Variants in LAMC2 observed in about 807,000 individuals in gnomAD.
LAMC2 encodes the protein laminin subunit gamma 2.
Under a neutral mutation model 140.2 loss-of-function variants are expected in LAMC2, and 97 were observed. The ratio of observed to expected loss-of-function variants is 0.69; its 90% CI spans 0.59 to 0.82. The LOEUF is 0.82. Among genes scored for constraint, LAMC2 ranks in the 40% least tolerant of loss-of-function variants. LAMC2 has a pLI of 0.00. For synonymous variants in LAMC2, 513 were observed against 540.2 expected, an observed-to-expected ratio of 0.95 and a Z score of 0.70; for missense variants, 1,402 against 1,476.1, an observed-to-expected ratio of 0.95 and a Z score of 0.82.
At chr1:183,238,679 C>A (rs1291155576) in intron 19 of LAMC2, among the ~76,000 whole-genome samples, 1 of 152,220 alleles carries the variant, frequency 6.6e-6, no homozygotes, top group Non-Finnish European at 1.5e-5. Context: ...TGACCATAGG[C>A]AAGTCATGTA....
chr1:183,253,394 A>C, the LAMC2 span, among the ~76,000 whole-genome samples: 1 of 150,846 alleles, frequency 6.6e-6, no homozygotes, highest in African/African-American at 2.4e-5. Context: ...TAATATTCAT[A>C]TATCCATCAT....
At chr1:183,198,656 A>G (rs1169449367) in intron 1 of LAMC2, among the ~76,000 whole-genome samples, 2 of 152,206 alleles carry the variant, frequency 1.3e-5, no homozygotes, top group African/African-American at 4.8e-5. Flanking sequence ...ACCGTCCCAC[A>G]CAGCCGCCAA....
At chr1:183,225,209 T>A (rs943885567) in intron 7 of LAMC2, among the ~76,000 whole-genome samples, 1 of 152,138 alleles carries the variant, frequency 6.6e-6, no homozygotes. Context: ...TGTGCTCAGA[T>A]AACAAATAAA....
chr1:183,255,808 C>A, the LAMC2 span, among the ~76,000 whole-genome samples: 2 of 151,866 alleles, frequency 1.3e-5, no homozygotes, highest in Non-Finnish European at 2.9e-5. Flanking sequence ...GGATTACAGG[C>A]ACAAGCCACA....
At chr1:183,196,023 C>T (rs1240664874) in intron 1 of LAMC2, among the ~76,000 whole-genome samples, 1 of 152,134 alleles carries the variant, frequency 6.6e-6, no homozygotes, top group Non-Finnish European at 1.5e-5. Flanking sequence ...CAAAGAGGAT[C>T]ATAGCTTCTG....
At chr1:183,222,268 A>T in intron 6 of LAMC2, 57 bp downstream of exon 6, 1 of 1,580,348 alleles carries the variant, frequency 6.3e-7, no homozygotes, top group Non-Finnish European at 8.7e-7. Context: ...GGAAGTCAAG[A>T]TAGAGAAATT....
chr1:183,222,849 TG>T (rs1659515027), intron 6 of LAMC2, among the ~76,000 whole-genome samples: 1 of 152,182 alleles, frequency 6.6e-6, no homozygotes, highest in African/African-American at 2.4e-5. Flanking sequence ...CTGATAGGCC[TG>T]GGATTTTTAC....
At chr1:183,234,692 AC>A (rs1659899221) in intron 15 of LAMC2, among the ~76,000 whole-genome samples, 1 of 152,192 alleles carries the variant, frequency 6.6e-6, no homozygotes, top group Admixed American at 6.5e-5. Context: ...CCTATGACTC[AC>A]AGTATGGCTG....
chr1:183,242,881 G>T (rs886246207), intron 22 of LAMC2, among the ~76,000 whole-genome samples: 2 of 149,614 alleles, frequency 1.3e-5, no homozygotes, highest in African/African-American at 2.5e-5. Context: ...ACCTTAACAC[G>T]AAAGGAAAAC....
At chr1:183,226,096 C>T (rs1234454509) in intron 8 of LAMC2, among the ~76,000 whole-genome samples, 1 of 151,796 alleles carries the variant, frequency 6.6e-6, no homozygotes, top group East Asian at 1.9e-4. Flanking sequence ...TGAGATTATA[C>T]TCCATGCTAG....
chr1:183,238,356 A>G lies in LAMC2; in HGVS notation c.2804A>G (p.Gln935Arg). 4.3e-6 allele frequency: 7 copies of G among 1,614,142 alleles called. No homozygotes were observed. The highest frequency in any genetic ancestry group is 5.9e-6 in the Non-Finnish European group (7 of 1,179,986). Residue 935 changes from glutamine to arginine, a missense_variant, in exon 19 of 23, where the codon CAA becomes CGA. Physicochemically the swap from Gln to Arg is conservative, Grantham distance 43 (BLOSUM62 1). This residue lies in a region of LAMC2 where 670 missense variants were observed against 667.2 expected (regional missense o/e 1.00). Transcript: ENST00000264144. ...GCCAATCTTGCTAAAAGCAGAGCACAAGAAGCACTGAGTATGGGCAATGCC... is the reference window on the plus strand; with the variant it reads ...GCCAATCTTGCTAAAAGCAGAGCACGAGAAGCACTGAGTATGGGCAATGCC... ...SRANLAKSRAQEALSMGNATF... is the reference protein window; with the variant it reads ...SRANLAKSRAREALSMGNATF...
the LAMC2 span, among the ~76,000 whole-genome samples, chr1:183,253,589 T>A: frequency 3.9e-5 from 6 of 152,106 alleles, no homozygotes; most frequent in Non-Finnish European, 7.3e-5. Flanking sequence ...CACCACTTTC[T>A]GCCCTCCACA....
At chr1:183,253,667 T>A in the LAMC2 span, among the ~76,000 whole-genome samples, 1 of 152,178 alleles carries the variant, frequency 6.6e-6, no homozygotes, top group South Asian at 2.1e-4. Context: ...TTCCTACATA[T>A]TTGCTGCTTT....
intron 1 of LAMC2, among the ~76,000 whole-genome samples, chr1:183,188,317 A>C (rs1180755985): frequency 6.6e-6 from 1 of 152,216 alleles, no homozygotes; most frequent in Non-Finnish European, 1.5e-5. Flanking sequence ...TTGGACTGAA[A>C]ATATGGTATC....
chr1:183,230,858 A>T, intron 11 of LAMC2, 103 bp from the exon 12 acceptor site: 1 of 1,332,816 alleles, frequency 7.5e-7, no homozygotes, highest in Non-Finnish European at 1.1e-6. Flanking sequence ...GTATAAAAGG[A>T]TTCTCTGCTG....
intron 6 of LAMC2, among the ~76,000 whole-genome samples, chr1:183,222,569 T>G (rs1470151242): frequency 6.7e-6 from 1 of 149,586 alleles, no homozygotes; most frequent in Non-Finnish European, 1.5e-5. Flanking sequence ...TTCTTAAAAC[T>G]TCAAATACCT....
chr1:183,238,175 G>A, intron 18 of LAMC2, 132 bp from the exon 19 acceptor site: 2 of 701,792 alleles, frequency 2.8e-6, no homozygotes, highest in Non-Finnish European at 5.1e-6. Context: ...AGATTGTAGA[G>A]GGGTTTGCTA....
At chr1:183,196,883 T>A (rs886212945) in intron 1 of LAMC2, among the ~76,000 whole-genome samples, 18 of 152,160 alleles carry the variant, frequency 1.2e-4, no homozygotes, top group African/African-American at 4.3e-4. Flanking sequence ...TAAAATGAAG[T>A]GTATGTGAAT....
chr1:183,251,831 G>T, the LAMC2 span: 2 of 158,620 alleles, frequency 1.3e-5, no homozygotes, highest in South Asian at 3.4e-4. Context: ...TTCAGAACCC[G>T]AAAATCTCAC....
Sources: allele counts gnomAD v4.1 joint callset (sites outside exome capture counted in the v4.1 genomes callset), GRCh38; gene constraint gnomAD v4.1.1; regional missense constraint gnomAD v4.1.1; transcripts MANE v1.5; gene names NCBI Gene and HGNC (gene_info 2026-07-23, HGNC 2026-07-21).